ZNF667: variants seen among roughly 807,000 people sequenced by gnomAD.
ZNF667 encodes myocardial ischemic preconditioning upregulated 1 ortholog.
In ZNF667, 13 loss-of-function variants were observed where a neutral mutation model predicts 31.8. That is an observed-to-expected ratio of 0.41 (90% CI 0.27 to 0.65). ZNF667 has a LOEUF of 0.65. Among genes scored for constraint, ZNF667 ranks in the 30% least tolerant of loss-of-function variants. The pLI, the probability that ZNF667 is intolerant of heterozygous loss-of-function variation, is 0.32. For synonymous variants in ZNF667, 228 were observed against 247.1 expected, an observed-to-expected ratio of 0.92 and a Z score of 0.73; for missense variants, 642 against 725.6, an observed-to-expected ratio of 0.88 and a Z score of 1.32.
At chr19:56,465,506 C>A (rs1211486401) in intron 3 of ZNF667, among the ~76,000 whole-genome samples, 1 of 152,182 alleles carries the variant, frequency 6.6e-6, no homozygotes, top group African/African-American at 2.4e-5. Context: ...AATAAATGTT[C>A]CATGTGCTAA....
chr19:56,471,284 C>A (rs769549593), intron 3 of ZNF667, among the ~76,000 whole-genome samples: 1 of 152,116 alleles, frequency 6.6e-6, no homozygotes, highest in Non-Finnish European at 1.5e-5. Context: ...CCTGCAGAAC[C>A]GTGGGCCAAT....
chr19:56,460,558 A>G (rs2043024013), intron 5 of ZNF667, 131 bp downstream of exon 5: 4 of 1,006,948 alleles, frequency 4.0e-6, no homozygotes, highest in Admixed American at 6.2e-5. Context: ...ATTGTATAGT[A>G]TGTGAATTAT....
chr19:56,441,973 C>A lies in ZNF667; in HGVS notation c.1022G>T (p.Arg341Met), dbSNP rs2042614905. Residue 341 changes from arginine (R) to methionine (M), a missense_variant, in exon 7 of 7, where the codon AGG (arginine) becomes ATG (methionine). By Grantham distance (91) the Arg-to-Met change is moderately conservative. Coordinates refer to ENST00000504904, the MANE Select transcript of ZNF667 (RefSeq NM_001321356.2). The surrounding 1 kb of genome is among the most constrained non-coding windows in gnomAD (Gnocchi z 4.2). Reference sequence around the variant, plus strand: ...CTGGTGAAGCATCAGGGGTGAAATCCTATTAAATAATTTCCCACATTTTCT... The same window carrying A: ...CTGGTGAAGCATCAGGGGTGAAATCATATTAAATAATTTCCCACATTTTCT... ...KCRKCGKLFN[R>M]ISPLMLHQRI... The A allele has an allele frequency of 1.9e-6, 3 of 1,613,814 alleles. No individual in the cohort carries two copies. In the South Asian group the frequency reaches 3.3e-5, roughly 18 times the overall value.
At chr19:56,467,112 G>C (rs1188030363) in intron 3 of ZNF667, 1 of 454,624 alleles carries the variant, frequency 2.2e-6, no homozygotes, top group Admixed American at 2.4e-5. Flanking sequence ...CCATGGTCCA[G>C]GAGGGGCCTC....
chr19:56,469,689 A>G (rs751413189), intron 3 of ZNF667, among the ~76,000 whole-genome samples: 6 of 152,032 alleles, frequency 3.9e-5, no homozygotes, highest in Admixed American at 6.6e-5. Context: ...GCTGGTTCAG[A>G]TATTTTTTTT....
intron 6 of ZNF667, chr19:56,449,232 C>T (rs544430618): frequency 5.7e-4 from 237 of 416,394 alleles, no homozygotes; most frequent in African/African-American, 3.8e-3. Context: ...AGAATAAATA[C>T]CTAATTCATC....
chr19:56,467,257 C>T (rs188368407), intron 3 of ZNF667, among the ~76,000 whole-genome samples: 7 of 152,038 alleles, frequency 4.6e-5, no homozygotes, highest in Admixed American at 3.9e-4. Context: ...GTTATGGCCA[C>T]CCCCCCAAAG....
At chr19:56,454,255 CA>C (rs1182498909) in intron 6 of ZNF667, among the ~76,000 whole-genome samples, 3 of 152,188 alleles carry the variant, frequency 2.0e-5, no homozygotes, top group East Asian at 3.9e-4. Flanking sequence ...CCATACTACC[CA>C]AATTAATCTA....
intron 3 of ZNF667, among the ~76,000 whole-genome samples, chr19:56,467,420 C>A (rs997561722): frequency 2.0e-5 from 3 of 152,140 alleles, no homozygotes; most frequent in African/African-American, 7.2e-5. Flanking sequence ...GCTGTCACAC[C>A]ACAACAATCC....
chr19:56,443,045 G>A (rs547800578), intron 6 of ZNF667, among the ~76,000 whole-genome samples: 1 of 152,272 alleles, frequency 6.6e-6, no homozygotes, highest in East Asian at 1.9e-4. Context: ...ATGTTTATTA[G>A]AGAATGTGTC....
Position 56,441,939 on chromosome 19 carries a change from G to A in ZNF667, c.1056C>T (p.His352=). ...CACATTTGTACGGTTTCTCTGAAGT[G>A]TGAATTCTCTGGTGAAGCATCAGGG... is the stretch of plus-strand genomic sequence containing the variant. ...ISPLMLHQRI[H]TSEKPYKCDK... is the part of the protein sequence containing the mutation. Residue 352 remains histidine (H), a synonymous_variant, in exon 7 of 7, where the codon CAC becomes CAT. Transcript: ENST00000504904. This position sits in a 1 kb window ranked among gnomAD's most constrained non-coding sequence, Gnocchi z 4.2. 6.2e-7 allele frequency: 1 copy of A among 1,614,128 alleles called. No homozygotes were observed. Among genetic ancestry groups the A allele is most frequent in the South Asian group, 1.1e-5 (1 of 91,072 alleles).
In ZNF667 at chr19:56,440,841, T is replaced by C; in HGVS notation, c.*321A>G. 1 of 933,744 alleles carries C rather than the reference T, an allele frequency of 1.1e-6. No homozygotes were observed. Among genetic ancestry groups the C allele is most frequent in the Non-Finnish European group, 1.3e-6 (1 of 750,014 alleles). 57.8% of individuals were successfully genotyped at this position (933,744 alleles called of 1,614,324 possible). ...TAGTAGAGACAGGGTTTCACCGTGG[T>C]CTCAAACTCTTGACCTCGTGATCCG... On this transcript the variant is annotated 3_prime_UTR_variant, in exon 7 of 7. Coordinates refer to ENST00000504904, the MANE Select transcript of ZNF667 (RefSeq NM_001321356.2).
At chr19:56,462,861 T>A (rs1195340324) in intron 3 of ZNF667, among the ~76,000 whole-genome samples, 1 of 152,028 alleles carries the variant, frequency 6.6e-6, no homozygotes, top group African/African-American at 2.4e-5. Context: ...CTATGAAGAA[T>A]AAACAGGCCA....
Position 56,460,671 on chromosome 19 carries a change from G to C in ZNF667, c.160+18C>G, listed in dbSNP as rs763368014. The C allele has an allele frequency of 2.5e-6, 4 of 1,606,958 alleles. No homozygotes were observed. In the African/African-American group the frequency reaches 4.0e-5, roughly 16 times the overall value. ...CTCAATAGGCTGGTTCTGGATTGTG[G>C]GGGACGAAGAGCCTTACCAAGCGAG... On this transcript the variant is annotated intron_variant, in intron 5 of 6. Coordinates refer to ENST00000504904, the MANE Select transcript of ZNF667 (RefSeq NM_001321356.2).
intron 6 of ZNF667, among the ~76,000 whole-genome samples, chr19:56,449,896 T>C (rs750866884): frequency 5.3e-5 from 8 of 150,272 alleles, no homozygotes; most frequent in Non-Finnish European, 7.4e-5. Context: ...GCAGAAGAAA[T>C]AGTGAGCTTG....
chr19:56,442,443 G>A lies in ZNF667; in HGVS notation c.552C>T (p.Ile184=). The change falls in exon 7 of 7, where the codon ATC becomes ATT. Residue 184 remains isoleucine (I), a synonymous_variant. Coordinates refer to ENST00000504904, the MANE Select transcript of ZNF667 (RefSeq NM_001321356.2). ...TTCTCTGATGAAGTAGGATGGATGA[G>A]ATCTGTCTGAAAGCTTTTCTACAAT... ...CSNCRKAFRQ[I]SSILLHQRIH... is the part of the protein sequence containing the mutation. The A allele has an allele frequency of 6.2e-7, 1 of 1,614,086 alleles. No homozygotes were observed. Among genetic ancestry groups the A allele is most frequent in the Non-Finnish European group, 8.5e-7 (1 of 1,179,998 alleles).
At chr19:56,444,451 C>G (rs2147678276) in intron 6 of ZNF667, among the ~76,000 whole-genome samples, 1 of 152,290 alleles carries the variant, frequency 6.6e-6, no homozygotes, top group African/African-American at 2.4e-5. Context: ...GAGAAACCCA[C>G]CCCCATGATC....
At chr19:56,473,226 G>A (rs180856129) in intron 2 of ZNF667, among the ~76,000 whole-genome samples, 132 of 152,300 alleles carry the variant, frequency 8.7e-4, no homozygotes, top group African/African-American at 3.1e-3. Flanking sequence ...TAACTCTGCC[G>A]TCCGCTATCT....
intron 3 of ZNF667, chr19:56,467,197 TG>T (rs1378253799): frequency 1.4e-5 from 5 of 352,676 alleles, no homozygotes; most frequent in South Asian, 6.4e-5. Flanking sequence ...GGGAATGGGG[TG>T]GGGGGGAAAT....
Sources: gnomAD v4.1 joint callset for allele counts (sites outside exome capture counted in the v4.1 genomes callset) on GRCh38, gnomAD v4.1.1 for gene constraint, Gnocchi (gnomAD v3.1) non-coding constraint, MANE v1.5 for transcripts, NCBI Gene and HGNC (gene_info 2026-07-23, HGNC 2026-07-21) for gene names.